HERC1: variants seen among roughly 807,000 people sequenced by gnomAD.
HERC1 encodes the protein probable E3 ubiquitin-protein ligase HERC1.
HERC1 carries 160 observed loss-of-function variants against 554.3 expected under a neutral mutation model. That is an observed-to-expected ratio of 0.29 (90% CI 0.25 to 0.33). The LOEUF (loss-of-function observed/expected upper bound fraction) is 0.33. Among genes scored for constraint, HERC1 ranks in the 10% least tolerant of loss-of-function variants. The probability of loss-of-function intolerance (pLI) is 1.00; values close to 1 mark genes in which losing one functional copy is unlikely to be tolerated. For synonymous variants in HERC1, 2,175 were observed against 2,131.7 expected (o/e 1.02, Z -0.56); for missense variants, 4,919 against 5,918.5 (o/e 0.83, Z 5.54).
chr15:63,711,745 CA>C (rs1377635477), intron 24 of HERC1, among the ~76,000 whole-genome samples: 1 of 152,132 alleles, frequency 6.6e-6, no homozygotes, highest in Non-Finnish European at 1.5e-5. Flanking sequence ...ATGATATGAC[CA>C]AGATCCCACC....
At chr15:63,631,547 C>CT (rs957993359) in intron 68 of HERC1, among the ~76,000 whole-genome samples, 22 of 151,522 alleles carry the variant, frequency 1.5e-4, no homozygotes, top group Middle Eastern at 3.4e-3. Flanking sequence ...TCTTTTTAAT[C>CT]TTTTTTTTTG....
chr15:63,719,810 T>C (rs1032176940), intron 19 of HERC1, among the ~76,000 whole-genome samples: 5 of 152,142 alleles, frequency 3.3e-5, no homozygotes, highest in African/African-American at 1.2e-4. Flanking sequence ...AAAATGTAGT[T>C]GGCATTTACT....
At chr15:63,645,189 C>T in intron 56 of HERC1, 92 bp from the exon 57 acceptor site, 3 of 933,270 alleles carry the variant, frequency 3.2e-6, no homozygotes, top group South Asian at 1.4e-5. Context: ...TCTGATAGAA[C>T]CACTGCATTA....
intron 8 of HERC1, among the ~76,000 whole-genome samples, chr15:63,751,915 A>T (rs971774650): frequency 3.3e-5 from 5 of 152,014 alleles, no homozygotes. Context: ...TCTCAATTCT[A>T]ATGATTATCT....
chr15:63,648,190 G>C lies in HERC1; in HGVS notation c.10757C>G (p.Thr3586Ser), dbSNP rs2069456879. Residue 3586 changes from threonine (T) to serine (S), a missense_variant, in exon 55 of 78, where the codon ACT becomes AGT. Thr to Ser is a moderately conservative substitution (Grantham distance 58). This residue lies in a region of HERC1 where 1,963 missense variants were observed against 2,228.6 expected (regional missense o/e 0.88). Coordinates refer to ENST00000443617, the MANE Select transcript of HERC1 (RefSeq NM_003922.4). ...EHCYRKDVSV[T>S]CIAWFSEDRP... ...GTCTTCACTGAACCATGCAATGCAA[G>C]TAACAGACACTAACATGATCAAAAC... is the stretch of plus-strand genomic sequence containing the variant. The C allele has an allele frequency of 6.2e-6, 10 of 1,603,700 alleles. No individual in the cohort carries two copies. The highest frequency in any genetic ancestry group is 1.3e-5 in the African/African-American group (1 of 74,824).
Position 63,642,960 on chromosome 15 carries a change from T to C in HERC1, c.11430A>G (p.Ser3810=). 6.4e-7 allele frequency: 1 copy of C among 1,565,598 alleles called. No homozygotes were observed. Among genetic ancestry groups the C allele is most frequent in the Non-Finnish European group, 8.8e-7 (1 of 1,136,500 alleles). The change falls in exon 59 of 78, where the codon TCA becomes TCG. Residue 3810 remains serine (S), a synonymous_variant. Coordinates refer to ENST00000443617, the MANE Select transcript of HERC1 (RefSeq NM_003922.4). ...TTTGATATAACTACAATATTACCTT[T>C]GATCTATTTGAGCAAGCAGCTACTC... ...EVGVAACSNR[S]KDVLVVNCTA... is the part of the protein sequence containing the mutation.
chr15:63,628,586 C>G, intron 70 of HERC1, 91 bp downstream of exon 70: 1 of 1,319,660 alleles, frequency 7.6e-7, no homozygotes, highest in Non-Finnish European at 1.0e-6. Flanking sequence ...CACAACGATG[C>G]TGGATACAGT....
rs781448663 is a variant in HERC1, at chr15:63,641,506, G to C, written c.11571C>G (p.Leu3857=). Reference sequence around the variant, plus strand: ...CATACTGCTCCTGAAGCATCATGGGGAGCCGCTCCAAAAATGCTCTCATGC... The same window carrying C: ...CATACTGCTCCTGAAGCATCATGGGCAGCCGCTCCAAAAATGCTCTCATGC... ...APCMRAFLER[L]PMMLQEQYAY... Residue 3857 remains leucine, a synonymous_variant, in exon 60 of 78, where the codon CTC becomes CTG. Coordinates refer to ENST00000443617, the MANE Select transcript of HERC1 (RefSeq NM_003922.4). 1.1e-5 allele frequency: 18 copies of C among 1,613,422 alleles called. No individual in the cohort carries two copies. The highest frequency in any genetic ancestry group is 1.4e-5 in the Non-Finnish European group (16 of 1,179,624).
chr15:63,731,956 TA>T (rs2074313008), intron 14 of HERC1, among the ~76,000 whole-genome samples: 1 of 152,098 alleles, frequency 6.6e-6, no homozygotes, highest in African/African-American at 2.4e-5. Context: ...TGATTTCAGA[TA>T]AGAATGGTGT....
At chr15:63,620,101 G>T (rs1595831338) in intron 74 of HERC1, among the ~76,000 whole-genome samples, 1 of 151,990 alleles carries the variant, frequency 6.6e-6, no homozygotes, top group African/African-American at 2.4e-5. Context: ...GTCAATTTTC[G>T]ATCTTTCCTG....
chr15:63,643,292 T>C (rs1025715255), intron 58 of HERC1, 112 bp downstream of exon 58: 1 of 967,830 alleles, frequency 1.0e-6, no homozygotes, highest in Non-Finnish European at 1.5e-6. Flanking sequence ...GTTTCCTCAG[T>C]ATTCAAGAGA....
At chr15:63,670,625 A>C (rs1485425554) in intron 39 of HERC1, among the ~76,000 whole-genome samples, 1 of 152,162 alleles carries the variant, frequency 6.6e-6, no homozygotes, top group Non-Finnish European at 1.5e-5. Context: ...TATGGGAGCA[A>C]GGGGGCATGA....
chr15:63,661,940 T>C lies in HERC1; in HGVS notation c.8983A>G (p.Met2995Val). Reference sequence around the variant, plus strand: ...CCACAGCCTGGATGGTTTCTCTTCATGTGCTGATTGAAGCTGACGACGCTG... The same window carrying C: ...CCACAGCCTGGATGGTTTCTCTTCACGTGCTGATTGAAGCTGACGACGCTG... Reference protein sequence around the residue: ...ECSVVSFNQHMKRNHPGCGRS... With the variant: ...ECSVVSFNQHVKRNHPGCGRS... The change falls in exon 45 of 78, where the codon ATG becomes GTG. Residue 2995 changes from methionine to valine, a missense_variant. Met to Val is a conservative substitution (Grantham distance 21, BLOSUM62 1). Coordinates refer to ENST00000443617, the MANE Select transcript of HERC1 (RefSeq NM_003922.4). 2 of 1,614,046 alleles carry C rather than the reference T, an allele frequency of 1.2e-6. No homozygotes were observed. The highest frequency in any genetic ancestry group is 1.7e-6 in the Non-Finnish European group (2 of 1,179,894).
At chr15:63,674,265 G>T in intron 38 of HERC1, 77 bp downstream of exon 38, 2 of 1,201,698 alleles carry the variant, frequency 1.7e-6, no homozygotes, top group South Asian at 2.3e-5. Flanking sequence ...ATCACTTACA[G>T]AATGTATCAC....
At chr15:63,657,000 G>T (rs1266568049) in intron 48 of HERC1, among the ~76,000 whole-genome samples, 1 of 150,674 alleles carries the variant, frequency 6.6e-6, no homozygotes, top group African/African-American at 2.5e-5. Context: ...ATGAATGATT[G>T]GTCTTTAGGG....
Position 63,652,483 on chromosome 15 carries a change from C to A in HERC1, c.10349G>T (p.Gly3450Val). ...GGTAACATTCCATACGCGGATGGTG[C>A]CATCATTGCCACTTGTAGCCAAAAG... is the stretch of plus-strand genomic sequence containing the variant. The part of the protein sequence containing the change: ...KGLLATSGND[G>V]TIRVWNVTKK... The change falls in exon 52 of 78, where the codon GGC (glycine) becomes GTC (valine). Residue 3450 changes from glycine (G) to valine (V), a missense_variant. This residue lies in a region of HERC1 where 1,963 missense variants were observed against 2,228.6 expected (regional missense o/e 0.88). Coordinates refer to ENST00000443617, the MANE Select transcript of HERC1 (RefSeq NM_003922.4). 1 of 1,609,636 alleles carries A rather than the reference C, an allele frequency of 6.2e-7. No homozygotes were observed. The highest frequency in any genetic ancestry group is 8.5e-7 in the Non-Finnish European group (1 of 1,177,334).
At position 63,692,320 on chromosome 15, in the gene HERC1, A is replaced by T; in HGVS notation, c.5830+91T>A. 1 of 919,326 alleles carries T rather than the reference A, an allele frequency of 1.1e-6. No homozygotes were observed. Among genetic ancestry groups the T allele is most frequent in the Non-Finnish European group, 1.6e-6 (1 of 640,494 alleles). The allele number at this position is 919,326 out of a possible 1,614,324, so 56.9% of individuals were successfully genotyped here. A position where few individuals can be genotyped will look rare whatever the true frequency, so the allele number is the denominator to read the frequency against. On this transcript the variant is annotated intron_variant, in intron 31 of 77. Coordinates refer to ENST00000443617, the MANE Select transcript of HERC1 (RefSeq NM_003922.4). This position sits in a 1 kb window ranked among gnomAD's most constrained non-coding sequence, Gnocchi z 4.7. ...AAAGAAAAGCCTTCAAATCAAGGTT[A>T]CACATGGAGTGTTGCTAAAGTCTGG... is the stretch of plus-strand genomic sequence containing the variant.
chr15:63,814,098 G>A (rs1596314163), intron 1 of HERC1, among the ~76,000 whole-genome samples: 1 of 152,076 alleles, frequency 6.6e-6, no homozygotes, highest in South Asian at 2.1e-4. Flanking sequence ...AAAGAGTACA[G>A]TATTTTAAGT....
At chr15:63,712,596 T>C (rs896623837) in intron 24 of HERC1, among the ~76,000 whole-genome samples, 179 bp downstream of exon 24, 1 of 152,224 alleles carries the variant, frequency 6.6e-6, no homozygotes, top group Non-Finnish European at 1.5e-5. Context: ...GAACAAGAGA[T>C]TGAAACCATT....
Sources: gnomAD v4.1 joint callset for allele counts (sites outside exome capture counted in the v4.1 genomes callset) on GRCh38, gnomAD v4.1.1 for gene constraint, gnomAD v4.1.1 regional missense constraint, Gnocchi (gnomAD v3.1) non-coding constraint, MANE v1.5 for transcripts, NCBI Gene and HGNC (gene_info 2026-07-23, HGNC 2026-07-21) for gene names.